ABCB1: variants seen among roughly 807,000 people sequenced by gnomAD.
ABCB1 encodes ATP binding cassette subfamily B member 1, also known as ATP-dependent translocase ABCB1.
Under a neutral mutation model 142.0 loss-of-function variants are expected in ABCB1, and 69 were observed. That is an observed-to-expected ratio of 0.49 (90% CI 0.40 to 0.59). The LOEUF (loss-of-function observed/expected upper bound fraction) is 0.59. Ranked by LOEUF, ABCB1 falls within the 20% of genes least tolerant of loss-of-function variation. The pLI is 0.00. For missense variants in ABCB1, 1,326 were observed against 1,554.7 expected, an observed-to-expected ratio of 0.85 and a Z score of 2.47; for synonymous variants, 532 against 539.2, an observed-to-expected ratio of 0.99 and a Z score of 0.18.
chr7:87,551,684 A>C (rs1246087344), intron 9 of ABCB1, among the ~76,000 whole-genome samples: 1 of 152,048 alleles, frequency 6.6e-6, no homozygotes, highest in Non-Finnish European at 1.5e-5. Context: ...TAGAGATGAG[A>C]TCTCACTATG....
At chr7:87,686,617 T>C (rs1297358738) in intron 1 of ABCB1, among the ~76,000 whole-genome samples, 2 of 151,996 alleles carry the variant, frequency 1.3e-5, no homozygotes, top group Non-Finnish European at 2.9e-5. Context: ...GTGATTTTTG[T>C]AAAGTTTATA....
chr7:87,585,299 A>G (rs756838669), intron 4 of ABCB1, among the ~76,000 whole-genome samples: 46 of 152,134 alleles, frequency 3.0e-4, no homozygotes, highest in Non-Finnish European at 4.9e-4. Flanking sequence ...CTCTTTTTCT[A>G]CATATCTCTG....
At chr7:87,701,726 A>G (rs1490654567) in intron 1 of ABCB1, among the ~76,000 whole-genome samples, 2 of 152,234 alleles carry the variant, frequency 1.3e-5, no homozygotes, top group Non-Finnish European at 2.9e-5. Context: ...CCAACCATAT[A>G]TCTGTGTGAA....
chr7:87,708,603 T>C (rs1363798790), intron 1 of ABCB1, among the ~76,000 whole-genome samples: 1 of 152,182 alleles, frequency 6.6e-6, no homozygotes, highest in Non-Finnish European at 1.5e-5. Flanking sequence ...GTCAGATATT[T>C]ATAATTTAAT....
At chr7:87,519,261 G>A in intron 23 of ABCB1, 65 bp downstream of exon 23, 4 of 1,486,600 alleles carry the variant, frequency 2.7e-6, no homozygotes, top group Non-Finnish European at 3.8e-6. Flanking sequence ...TTCCTATCTA[G>A]ACATGAAGCA....
intron 1 of ABCB1, among the ~76,000 whole-genome samples, chr7:87,647,990 C>G (rs1463358305): frequency 6.6e-6 from 1 of 151,952 alleles, no homozygotes; most frequent in African/African-American, 2.4e-5. Context: ...CGAGACCATC[C>G]TGGCTAACAT....
chr7:87,533,797 T>C (rs1816164734), intron 20 of ABCB1, among the ~76,000 whole-genome samples: 1 of 152,208 alleles, frequency 6.6e-6, no homozygotes. Context: ...TCAGTCAATC[T>C]GTGATAACAG....
intron 4 of ABCB1, among the ~76,000 whole-genome samples, chr7:87,580,826 C>G (rs1193738886): frequency 6.6e-6 from 1 of 151,854 alleles, no homozygotes; most frequent in Non-Finnish European, 1.5e-5. Context: ...ATCAATTTTG[C>G]TATTAAGAGA....
chr7:87,564,517 G>A (rs766172411), intron 7 of ABCB1, among the ~76,000 whole-genome samples: 17 of 152,156 alleles, frequency 1.1e-4, no homozygotes, highest in Non-Finnish European at 2.2e-4. Flanking sequence ...GAGGCTTCCT[G>A]GGCCAGGTCA....
chr7:87,608,644 A>G (rs1299879744), intron 1 of ABCB1, among the ~76,000 whole-genome samples: 1 of 152,188 alleles, frequency 6.6e-6, no homozygotes, highest in Non-Finnish European at 1.5e-5. Flanking sequence ...CAGAGCTTAT[A>G]AAAACACCAT....
chr7:87,629,695 A>T (rs1391657221), intron 1 of ABCB1, among the ~76,000 whole-genome samples: 4 of 152,168 alleles, frequency 2.6e-5, no homozygotes, highest in Admixed American at 1.3e-4. Context: ...TGGGAGGCTG[A>T]GGCGGGCGGA....
In ABCB1 at chr7:87,614,868, C is replaced by T. The variant is rs183587574; in HGVS notation, c.-330-13790G>A. Among the ~76,000 whole-genome samples, 385 of 151,596 alleles carry T rather than the reference C, an allele frequency of 2.5e-3. 11 individuals are homozygous for T. Among genetic ancestry groups the T allele is most frequent in the Admixed American group, 0.022 (329 of 15,230 alleles). On this transcript the variant is annotated intron_variant, in intron 1 of 28. Coordinates refer to the ABCB1 transcript ENST00000265724. ...TTTTTTGGTGGGGGGGGCCGGGGAACGGAGTCATGCTCTGCTGCCCAGGCT... is the reference window on the plus strand; with the variant it reads ...TTTTTTGGTGGGGGGGGCCGGGGAATGGAGTCATGCTCTGCTGCCCAGGCT...
At chr7:87,604,038 G>A (rs951397258), upstream of ABCB1, among the ~76,000 whole-genome samples, 1 of 152,100 alleles carries the variant, frequency 6.6e-6, no homozygotes, top group African/African-American at 2.4e-5. Flanking sequence ...TCACATCTAT[G>A]TATCCATATA....
At chr7:87,676,969 A>G (rs1482407161) in intron 1 of ABCB1, among the ~76,000 whole-genome samples, 1 of 152,108 alleles carries the variant, frequency 6.6e-6, no homozygotes, top group East Asian at 1.9e-4. Context: ...AAAACAATCA[A>G]AAGATAACAA....
At chr7:87,632,966 G>A in intron 1 of ABCB1, among the ~76,000 whole-genome samples, 1 of 152,156 alleles carries the variant, frequency 6.6e-6, no homozygotes, top group East Asian at 1.9e-4. Flanking sequence ...AGGAATATAA[G>A]GAGTAGTGTG....
exon 1 of ABCB1, chr7:87,713,270 A>C (rs3747802): frequency 6.6e-6 from 1 of 152,098 alleles, no homozygotes; most frequent in African/African-American, 2.4e-5. Context: ...TTCATGTTCT[A>C]CTCTTCACAG....
upstream of ABCB1, among the ~76,000 whole-genome samples, chr7:87,604,821 A>G (rs576896371): frequency 2.1e-4 from 32 of 152,206 alleles, no homozygotes; most frequent in Non-Finnish European, 4.3e-4. Context: ...AACCTGAATT[A>G]TACTCCTCTT....
chr7:87,676,054 C>T (rs1251910082), intron 1 of ABCB1, among the ~76,000 whole-genome samples: 1 of 151,582 alleles, frequency 6.6e-6, no homozygotes, highest in African/African-American at 2.4e-5. Flanking sequence ...AGTGAGATTC[C>T]CATCTCTACA....
chr7:87,626,349 ATATATGTGTCATATATATGTGTCATATG>A lies in ABCB1; in HGVS notation c.-330-25299_-330-25272del, dbSNP rs1820532672. ...TATATATGTGTCGTATATGTGTCATATATATGTGTCATATATATGTGTCATATGTATGTGTCATATATATGTGTCATAT... is the reference window on the plus strand; with the variant it reads ...TATATATGTGTCGTATATGTGTCATATATGTGTCATATATATGTGTCATAT... On this transcript the variant is annotated intron_variant, in intron 1 of 28. Coordinates refer to the ABCB1 transcript ENST00000265724. Among the ~76,000 whole-genome samples the A allele has an allele frequency of 6.4e-5, 2 of 31,064 alleles. 1 individual carries two copies. The highest frequency in any genetic ancestry group is 9.8e-5 in the Non-Finnish European group (2 of 20,424). 20.4% of individuals were successfully genotyped at this position (31,064 alleles called of 152,430 possible).
Sources: allele counts gnomAD v4.1 joint callset (sites outside exome capture counted in the v4.1 genomes callset), GRCh38; gene constraint gnomAD v4.1.1; transcripts MANE v1.5; gene names NCBI Gene and HGNC (gene_info 2026-07-23, HGNC 2026-07-21).